The following DPY19L4 variants were observed in gnomAD, a reference collection of about 807,000 sequenced individuals.
The protein encoded by DPY19L4 is probable C-mannosyltransferase DPY19L4.
Under a neutral mutation model 102.8 loss-of-function variants are expected in DPY19L4, and 97 were observed. The ratio of observed to expected loss-of-function variants is 0.94; its 90% CI spans 0.80 to 1.12. The LOEUF (loss-of-function observed/expected upper bound fraction) is 1.12, where lower values mean the gene tolerates loss of function less well. DPY19L4 is among the 50% of genes most tolerant of loss of function. The pLI, the probability that DPY19L4 is intolerant of heterozygous loss-of-function variation, is 0.00. For missense variants in DPY19L4, 815 were observed against 850.4 expected, an observed-to-expected ratio of 0.96 and a Z score of 0.52; for synonymous variants, 252 against 283.1, an observed-to-expected ratio of 0.89 and a Z score of 1.10.
intron 17 of DPY19L4, among the ~76,000 whole-genome samples, chr8:94,785,690 CAG>C (rs998625200): frequency 1.2e-4 from 19 of 152,150 alleles, no homozygotes; most frequent in African/African-American, 4.3e-4. Context: ...TTGAAGCAGG[CAG>C]GGGAGAGATC....
rs145622169 is a variant in DPY19L4 at position 94,783,723 on chromosome 8, C to T, written c.1769C>T (p.Ala590Val). Residue 590 changes from alanine to valine, a missense_variant, in exon 17 of 19, where the codon GCG becomes GTG. Coordinates refer to ENST00000414645, the MANE Select transcript of DPY19L4 (RefSeq NM_181787.3). ...GCAGGGAGTCCACAGTTAATGGGTG[C>T]GATTAAATTATGCACTGGATGGATG... is the stretch of plus-strand genomic sequence containing the variant. ...VFAGSPQLMGAIKLCTGWMVT... is the reference protein window; with the variant it reads ...VFAGSPQLMGVIKLCTGWMVT... 9.7e-5 allele frequency: 157 copies of T among 1,613,924 alleles called. No individual in the cohort carries two copies. In the South Asian group the frequency reaches 1.1e-3, roughly 12 times the overall value.
At chr8:94,736,503 G>A (rs906180716) in intron 3 of DPY19L4, among the ~76,000 whole-genome samples, 1 of 152,136 alleles carries the variant, frequency 6.6e-6, no homozygotes, top group African/African-American at 2.4e-5. Context: ...AGGAAGTTCT[G>A]TTGATCAAAC....
At chr8:94,747,622 G>A (rs1208989033) in intron 6 of DPY19L4, among the ~76,000 whole-genome samples, 11 of 145,530 alleles carry the variant, frequency 7.6e-5, no homozygotes, top group South Asian at 4.4e-4. Context: ...GCAGTGGCAC[G>A]ATCTCGGCTC....
chr8:94,740,887 C>A (rs1811417108), intron 6 of DPY19L4, among the ~76,000 whole-genome samples: 2 of 152,302 alleles, frequency 1.3e-5, no homozygotes, highest in Admixed American at 1.3e-4. Context: ...CTCTATATAG[C>A]TGATTTATCC....
chr8:94,757,198 T>A (rs1355916825), intron 7 of DPY19L4, among the ~76,000 whole-genome samples: 1 of 152,208 alleles, frequency 6.6e-6, no homozygotes, highest in Non-Finnish European at 1.5e-5. Flanking sequence ...GGAAACAGGA[T>A]GCACTTATGG....
chr8:94,765,622 C>A, intron 9 of DPY19L4, 89 bp from the exon 10 acceptor site: 1 of 1,011,768 alleles, frequency 9.9e-7, no homozygotes. Context: ...AGGCTTGAGC[C>A]ACTGTGCTCG....
intron 2 of DPY19L4, among the ~76,000 whole-genome samples, chr8:94,729,242 T>G (rs1167878235): frequency 6.6e-6 from 1 of 151,906 alleles, no homozygotes; most frequent in Non-Finnish European, 1.5e-5. Context: ...CATGGTGGCA[T>G]GCAACTGTAG....
rs367738402 is a variant in DPY19L4 at position 94,749,658 on chromosome 8, G to A, written c.612-6378G>A. Among the ~76,000 whole-genome samples the A allele has an allele frequency of 2.5e-4, 38 of 152,314 alleles. 1 individual carries two copies. In the East Asian group the frequency reaches 6.4e-3, roughly 25 times the overall value. ...GGGGTTTCCAAATAAGGAATGGCATGCATCCTAATTTGGGACTCATTTAGC... is the reference window on the plus strand; with the variant it reads ...GGGGTTTCCAAATAAGGAATGGCATACATCCTAATTTGGGACTCATTTAGC... On this transcript the variant is annotated intron_variant, in intron 6 of 18. Transcript: ENST00000414645.
chr8:94,743,860 G>T (rs1811553707), intron 6 of DPY19L4, among the ~76,000 whole-genome samples: 1 of 151,920 alleles, frequency 6.6e-6, no homozygotes, highest in Admixed American at 6.6e-5. Context: ...ACAAAAATTA[G>T]CCAGATGTGG....
intron 6 of DPY19L4, 133 bp downstream of exon 6, chr8:94,739,923 C>T (rs1329492686): frequency 8.9e-7 from 1 of 1,128,540 alleles, no homozygotes; most frequent in African/African-American, 1.6e-5. Context: ...GATGCCATTC[C>T]CATGATTATG....
chr8:94,724,045 C>A (rs1026252135), intron 1 of DPY19L4, among the ~76,000 whole-genome samples: 1 of 151,940 alleles, frequency 6.6e-6, no homozygotes, highest in African/African-American at 2.4e-5. Flanking sequence ...TCCTGTAAAG[C>A]GATTTATTTG....
At chr8:94,757,025 A>G (rs1178921432) in intron 7 of DPY19L4, among the ~76,000 whole-genome samples, 1 of 152,214 alleles carries the variant, frequency 6.6e-6, no homozygotes, top group African/African-American at 2.4e-5. Flanking sequence ...CCTGTCTCCA[A>G]AAAGAAAAAG....
At position 94,739,824 on chromosome 8, in the gene DPY19L4, T is replaced by G. The variant is rs1178942455; in HGVS notation, c.611+34T>G. The G allele has an allele frequency of 1.9e-6, 3 of 1,607,324 alleles. No homozygotes were observed. The African/African-American group carries it at 4.0e-5, about 22-fold the overall frequency. On this transcript the variant is annotated intron_variant, in intron 6 of 18. Coordinates refer to ENST00000414645, the MANE Select transcript of DPY19L4 (RefSeq NM_181787.3). ...GCTGTTTTAATTGATTTTTAAAAAC[T>G]TTTTGTGGCTGTAGTAGTCAGAGTT...
intron 6 of DPY19L4, among the ~76,000 whole-genome samples, chr8:94,743,476 A>G (rs1490311225): frequency 2.7e-5 from 4 of 145,930 alleles, no homozygotes; most frequent in Non-Finnish European, 4.6e-5. Context: ...CATCATCTCT[A>G]CTTAAAAAAA....
At chr8:94,746,382 C>T (rs1206059578) in intron 6 of DPY19L4, among the ~76,000 whole-genome samples, 3 of 152,052 alleles carry the variant, frequency 2.0e-5, no homozygotes, top group Non-Finnish European at 4.4e-5. Flanking sequence ...ATTTAAAAAA[C>T]AATACGTTTA....
intron 11 of DPY19L4, among the ~76,000 whole-genome samples, chr8:94,767,622 G>A (rs1812737815): frequency 6.6e-6 from 1 of 152,084 alleles, no homozygotes; most frequent in South Asian, 2.1e-4. Flanking sequence ...CATACTTAGA[G>A]TTGAAAAATG....
At chr8:94,752,726 G>T (rs1444120241) in intron 6 of DPY19L4, among the ~76,000 whole-genome samples, 1 of 149,122 alleles carries the variant, frequency 6.7e-6, no homozygotes, top group South Asian at 2.1e-4. Flanking sequence ...GTGCAGCGAC[G>T]TGATCTTGGC....
intron 6 of DPY19L4, among the ~76,000 whole-genome samples, chr8:94,749,510 A>G (rs1215351818): frequency 6.6e-6 from 1 of 152,128 alleles, no homozygotes; most frequent in East Asian, 1.9e-4. Flanking sequence ...TCCTGTTCCC[A>G]TTGACTGGGA....
rs554441096 is a variant in DPY19L4, at chr8:94,740,067, G to A, written c.611+277G>A. 7.9e-5 allele frequency among the ~76,000 whole-genome samples: 12 copies of A among 152,304 alleles called. No individual in the cohort carries two copies. The South Asian group carries it at 2.5e-3, about 32-fold the overall frequency. ...AGATCAGAGGATTTTCTGCACCACT[G>A]CAGGCATGAAGCAAGGAGGAAATGA... On this transcript the variant is annotated intron_variant, in intron 6 of 18. Transcript: ENST00000414645.
Sources: allele counts gnomAD v4.1 joint callset (sites outside exome capture counted in the v4.1 genomes callset), GRCh38; gene constraint gnomAD v4.1.1; transcripts MANE v1.5; gene names NCBI Gene and HGNC (gene_info 2026-07-23, HGNC 2026-07-21).